Variants in BAZ1A observed in about 807,000 individuals in gnomAD.
The protein encoded by BAZ1A is bromodomain adjacent to zinc finger domain 1A, also known as bromodomain adjacent to zinc finger domain protein 1A.
In BAZ1A, 50 loss-of-function variants were observed where a neutral mutation model predicts 185.2. That is an observed-to-expected ratio of 0.27 (90% confidence interval 0.22 to 0.34). The LOEUF (loss-of-function observed/expected upper bound fraction) is 0.34, where lower values mean the gene tolerates loss of function less well. Among genes scored for constraint, BAZ1A ranks in the 10% least tolerant of loss-of-function variants. The pLI, the probability that BAZ1A is intolerant of heterozygous loss-of-function variation, is 1.00. For synonymous variants in BAZ1A, 571 were observed against 615.6 expected, an observed-to-expected ratio of 0.93 and a Z score of 1.07; for missense variants, 1,356 against 1,839.9, an observed-to-expected ratio of 0.74 and a Z score of 4.81.
chr14:34,846,396 T>A (rs898374093), intron 3 of BAZ1A, among the ~76,000 whole-genome samples: 1 of 152,218 alleles, frequency 6.6e-6, no homozygotes, highest in Admixed American at 6.5e-5. Flanking sequence ...TACCAAGGAC[T>A]TTCTTATGAG....
chr14:34,811,076 T>C (rs771192684), intron 4 of BAZ1A, 40 bp from the exon 5 acceptor site: 1 of 1,354,206 alleles, frequency 7.4e-7, no homozygotes, highest in Non-Finnish European at 1.0e-6. Flanking sequence ...AGTTAATAAT[T>C]TGGAAAATGA....
Position 34,783,782 on chromosome 14 carries a change from C to G in BAZ1A, c.1977G>C (p.Glu659Asp), listed in dbSNP as rs760118008. ...CTTACCTGGCAGCTGCTTCTTCCCTCTCTTTTCGATGTTGTTCTGCTTTTA... is the reference window on the plus strand; with the variant it reads ...CTTACCTGGCAGCTGCTTCTTCCCTGTCTTTTCGATGTTGTTCTGCTTTTA... ...RELKAEQHRK[E>D]REEAAARIRK... Residue 659 changes from glutamate to aspartate, a missense_variant, in exon 15 of 27, where the codon GAG becomes GAC. This residue lies in a region of BAZ1A where 434 missense variants were observed against 561.7 expected (regional missense o/e 0.77). Coordinates refer to ENST00000360310, the MANE Select transcript of BAZ1A (RefSeq NM_013448.3). The G allele has an allele frequency of 3.1e-6, 5 of 1,610,156 alleles. No individual in the cohort carries two copies. The South Asian group carries it at 4.4e-5, about 14-fold the overall frequency.
At chr14:34,851,924 G>A (rs1041377115) in intron 3 of BAZ1A, among the ~76,000 whole-genome samples, 13 of 150,956 alleles carry the variant, frequency 8.6e-5, no homozygotes, top group Admixed American at 6.6e-5. Flanking sequence ...TCAGGAGATC[G>A]AGATCATCCT....
chr14:34,874,312 T>G lies in BAZ1A; in HGVS notation c.113+180A>C, dbSNP rs1373203494. On this transcript the variant is annotated intron_variant, in intron 2 of 26. Coordinates refer to ENST00000360310, the MANE Select transcript of BAZ1A (RefSeq NM_013448.3). The surrounding 1 kb of genome is among the most constrained non-coding windows in gnomAD (Gnocchi z 4.7). ...CGTTCCCCACGCGCGCCGCCGCCAG[T>G]TGGCCCCGCGCGTTCTCCAGGTGGA... is the stretch of plus-strand genomic sequence containing the variant. 6.8e-6 allele frequency: 4 copies of G among 584,530 alleles called. No homozygotes were observed. The East Asian group carries it at 1.0e-4, about 15-fold the overall frequency. 36.2% of individuals were successfully genotyped at this position (584,530 alleles called of 1,614,324 possible). A position where few individuals can be genotyped will look rare whatever the true frequency, so the allele number is the denominator to read the frequency against.
chr14:34,852,572 T>C lies in BAZ1A; in HGVS notation c.392+9472A>G, dbSNP rs569885263. On this transcript the variant is annotated intron_variant, in intron 3 of 26. Coordinates refer to ENST00000360310, the MANE Select transcript of BAZ1A (RefSeq NM_013448.3). Reference sequence around the variant, plus strand: ...AGTCGGAAGTCGCAGGGAGCCAAGATTGCACCACTGCACTCCAGCCTGGGT... The same window carrying C: ...AGTCGGAAGTCGCAGGGAGCCAAGACTGCACCACTGCACTCCAGCCTGGGT... Among the ~76,000 whole-genome samples, 233 of 152,136 alleles carry C rather than the reference T, an allele frequency of 1.5e-3. 1 individual carries two copies. Among genetic ancestry groups the C allele is most frequent in the Non-Finnish European group, 2.9e-3 (199 of 68,004 alleles).
At chr14:34,786,279 A>G in intron 12 of BAZ1A, 58 bp from the exon 13 acceptor site, 1 of 1,469,356 alleles carries the variant, frequency 6.8e-7, no homozygotes, top group Non-Finnish European at 9.3e-7. Flanking sequence ...ATTTGGGAAT[A>G]ATGCCCGTTT....
intron 2 of BAZ1A, among the ~76,000 whole-genome samples, chr14:34,869,927 G>A (rs750376259): frequency 1.2e-4 from 18 of 152,102 alleles, no homozygotes; most frequent in Admixed American, 1.0e-3. Context: ...AAGACCACAC[G>A]GTAACTAAAA....
chr14:34,825,132 T>TA (rs112376703), intron 4 of BAZ1A, among the ~76,000 whole-genome samples: 6 of 152,188 alleles, frequency 3.9e-5, no homozygotes, highest in African/African-American at 1.4e-4. Context: ...GAATGACTGT[T>TA]AAAGTACAGA....
chr14:34,861,977 T>C lies in BAZ1A; in HGVS notation c.392+67A>G, dbSNP rs1294697783. 7.2e-6 allele frequency: 11 copies of C among 1,530,694 alleles called. No individual in the cohort carries two copies. The South Asian group carries it at 1.1e-4, about 15-fold the overall frequency. 94.8% of individuals were successfully genotyped at this position (1,530,694 alleles called of 1,614,324 possible). On this transcript the variant is annotated intron_variant, in intron 3 of 26. Coordinates refer to ENST00000360310, the MANE Select transcript of BAZ1A (RefSeq NM_013448.3). ...GGAAGATTTCCTTAGGTCACCACTT[T>C]GTGTGTTTTGGATTTTGAGCAATGT... is the stretch of plus-strand genomic sequence containing the variant.
intron 23 of BAZ1A, among the ~76,000 whole-genome samples, chr14:34,762,749 C>T (rs1477076947): frequency 6.6e-6 from 1 of 152,184 alleles, no homozygotes; most frequent in African/African-American, 2.4e-5. Context: ...GGATTACAGG[C>T]GTAAGCCACC....
intron 2 of BAZ1A, among the ~76,000 whole-genome samples, chr14:34,862,757 A>G (rs2138821392): frequency 6.6e-6 from 1 of 150,954 alleles, no homozygotes; most frequent in East Asian, 1.9e-4. Context: ...ATTTTCTTGA[A>G]ACTATATGAT....
intron 20 of BAZ1A, among the ~76,000 whole-genome samples, 196 bp downstream of exon 20, chr14:34,773,376 G>C (rs771012502): frequency 6.6e-6 from 1 of 150,844 alleles, no homozygotes; most frequent in Non-Finnish European, 1.5e-5. Context: ...TTTTTTGGTT[G>C]CATTAGTACA....
intron 21 of BAZ1A, among the ~76,000 whole-genome samples, chr14:34,770,579 G>A (rs1879145040): frequency 6.6e-6 from 1 of 152,100 alleles, no homozygotes; most frequent in African/African-American, 2.4e-5. Context: ...TCAACATGAT[G>A]AGTTATAAAT....
rs1459440776 is a variant in BAZ1A, at chr14:34,794,899, A to T, written c.1225-12T>A. On this transcript the variant is annotated splice_polypyrimidine_tract_variant and intron_variant, in intron 10 of 26. Transcript: ENST00000360310. ...GGTTCTGGAAGTTCCTGAAATATTG[A>T]ACAATTTATATAACTATTTGAACCA... The T allele has an allele frequency of 1.9e-6, 3 of 1,607,856 alleles. No individual in the cohort carries two copies. The highest frequency in any genetic ancestry group is 2.5e-6 in the Non-Finnish European group (3 of 1,178,432).
At chr14:34,793,886 G>A (rs541781562) in intron 11 of BAZ1A, among the ~76,000 whole-genome samples, 2 of 151,866 alleles carry the variant, frequency 1.3e-5, no homozygotes, top group Non-Finnish European at 2.9e-5. Context: ...AGGTTGCAGT[G>A]AGCCAAGATC....
intron 4 of BAZ1A, among the ~76,000 whole-genome samples, chr14:34,819,097 C>T (rs1000585490): frequency 5.4e-5 from 7 of 128,680 alleles, no homozygotes; most frequent in South Asian, 2.4e-4. Flanking sequence ...GCTGAGATCA[C>T]GCCACTGCAC....
intron 2 of BAZ1A, among the ~76,000 whole-genome samples, chr14:34,870,748 T>C (rs2042937172): frequency 6.6e-6 from 1 of 152,230 alleles, no homozygotes; most frequent in Non-Finnish European, 1.5e-5. Context: ...GAATAATTGA[T>C]GTTAGAGTCT....
intron 3 of BAZ1A, among the ~76,000 whole-genome samples, chr14:34,833,950 T>C (rs1303509042): frequency 1.3e-5 from 2 of 152,144 alleles, no homozygotes; most frequent in South Asian, 2.1e-4. Flanking sequence ...CAATCCTACA[T>C]TGGTAGCAAA....
In BAZ1A at chr14:34,773,562, CT is replaced by C; in HGVS notation, c.3152+9del. 3 of 1,508,606 alleles carry C rather than the reference CT, an allele frequency of 2.0e-6. No homozygotes were observed. Among genetic ancestry groups the C allele is most frequent in the Non-Finnish European group, 2.7e-6 (3 of 1,119,486 alleles). The allele number at this position is 1,508,606 out of a possible 1,614,324, so 93.5% of individuals were successfully genotyped here. ...AAAGTAATGGTTACTTTAGAAAAAT[CT>C]TTTTGTACCTGTCTTTTACTATGAC... On this transcript the variant is annotated intron_variant, in intron 20 of 26. Transcript: ENST00000360310.
Sources: gnomAD v4.1 joint callset for allele counts (sites outside exome capture counted in the v4.1 genomes callset) on GRCh38, gnomAD v4.1.1 for gene constraint, gnomAD v4.1.1 regional missense constraint, Gnocchi (gnomAD v3.1) non-coding constraint, MANE v1.5 for transcripts, NCBI Gene and HGNC (gene_info 2026-07-23, HGNC 2026-07-21) for gene names.